Variants in BICD1 observed in about 807,000 individuals in gnomAD.
BICD1 encodes the protein BICD cargo adaptor 1.
BICD1 carries 35 observed loss-of-function variants against 92.5 expected under a neutral mutation model. The observed-to-expected ratio is 0.38, with a 90% confidence interval of 0.29 to 0.50. BICD1 has a LOEUF of 0.50. Among genes scored for constraint, BICD1 ranks in the 20% least tolerant of loss-of-function variants. BICD1 has a pLI of 0.93. For missense variants in BICD1, 950 were observed against 1,189.8 expected, an observed-to-expected ratio of 0.80 and a Z score of 2.97; for synonymous variants, 429 against 465.1, an observed-to-expected ratio of 0.92 and a Z score of 1.00.
chr12:32,245,758 C>T (rs1055662352), intron 2 of BICD1, among the ~76,000 whole-genome samples: 5 of 152,024 alleles, frequency 3.3e-5, no homozygotes, highest in East Asian at 1.9e-4. Flanking sequence ...AAGCTGGGCA[C>T]GGTGGCTCAT....
At chr12:32,213,137 T>G (rs1391674002) in intron 1 of BICD1, among the ~76,000 whole-genome samples, 1 of 152,190 alleles carries the variant, frequency 6.6e-6, no homozygotes, top group African/African-American at 2.4e-5. Flanking sequence ...ACTAGTGTCC[T>G]TTTTAAAGTC....
intron 1 of BICD1, among the ~76,000 whole-genome samples, chr12:32,208,692 A>G (rs1004297469): frequency 6.6e-6 from 1 of 152,128 alleles, no homozygotes; most frequent in Non-Finnish European, 1.5e-5. Context: ...CTACTCTCTA[A>G]GACTCTTTGC....
intron 1 of BICD1, among the ~76,000 whole-genome samples, chr12:32,136,818 A>G (rs1942751050): frequency 6.6e-6 from 1 of 152,190 alleles, no homozygotes; most frequent in African/African-American, 2.4e-5. Context: ...GTAGATCCTC[A>G]GTCTTCTAGT....
At chr12:32,212,103 G>A (rs1387305672) in intron 1 of BICD1, among the ~76,000 whole-genome samples, 3 of 152,206 alleles carry the variant, frequency 2.0e-5, no homozygotes, top group Non-Finnish European at 4.4e-5. Flanking sequence ...GATGGACATC[G>A]ATACTGGAAT....
chr12:32,341,419 G>A (rs1336303301), intron 8 of BICD1, among the ~76,000 whole-genome samples: 2 of 147,486 alleles, frequency 1.4e-5, no homozygotes, highest in Non-Finnish European at 3.0e-5. Flanking sequence ...AACCGAGATC[G>A]CACCACTACA....
At chr12:32,374,734 A>ATTTTTTTTTTTTTTTTTT (rs1179747608) in intron 9 of BICD1, among the ~76,000 whole-genome samples, 2 of 80,092 alleles carry the variant, frequency 2.5e-5, no homozygotes, top group Non-Finnish European at 4.4e-5. Context: ...CGCCCGGCTA[A>ATTTTTTTTTTTTTTTTTT]TTTTTTTTTT....
intron 1 of BICD1, among the ~76,000 whole-genome samples, chr12:32,189,757 G>C (rs1446924671): frequency 3.3e-5 from 5 of 150,346 alleles, no homozygotes; most frequent in African/African-American, 1.2e-4. Flanking sequence ...GGAGTGCAGT[G>C]GTGCAATCTC....
chr12:32,108,016 G>A (rs1182681208), intron 1 of BICD1: 1 of 347,994 alleles, frequency 2.9e-6, no homozygotes, highest in Admixed American at 4.0e-5. Flanking sequence ...TGGTGAGAGA[G>A]GGAACTCCTC....
Position 32,220,290 on chromosome 12 carries a change from A to C in BICD1, c.426+3831A>C, listed in dbSNP as rs574619824. ...CTTCTGCACAGCAAAAGAAACTACC[A>C]TCAGAGTGAACAGGCAATCTACAAA... On this transcript the variant is annotated intron_variant, in intron 2 of 9. Transcript: ENST00000652176. Among the ~76,000 whole-genome samples, 14 of 152,308 alleles carry C rather than the reference A, an allele frequency of 9.2e-5. No homozygotes were observed. The South Asian group carries it at 2.9e-3, about 32-fold the overall frequency.
At chr12:32,256,845 A>G (rs970628475) in intron 2 of BICD1, among the ~76,000 whole-genome samples, 4 of 152,230 alleles carry the variant, frequency 2.6e-5, no homozygotes, top group African/African-American at 9.6e-5. Flanking sequence ...ATTGAATAAT[A>G]TTAACAAATT....
chr12:32,149,872 C>A (rs1943236810), intron 1 of BICD1, among the ~76,000 whole-genome samples: 1 of 152,270 alleles, frequency 6.6e-6, no homozygotes, highest in East Asian at 1.9e-4. Context: ...GAAGGCAGAG[C>A]ACCTACTTGT....
At position 32,360,874 on chromosome 12, in the gene BICD1, A is replaced by G. The variant is rs550968501; in HGVS notation, c.2765-6796A>G. On this transcript the variant is annotated intron_variant, in intron 8 of 9. Coordinates refer to ENST00000652176, the MANE Select transcript of BICD1 (RefSeq NM_001714.4). Reference sequence around the variant, plus strand: ...AGAAATAAATGCTAAATGACGGAATAGGATCCAAAATATTCATCAGATAGG... The same window carrying G: ...AGAAATAAATGCTAAATGACGGAATGGGATCCAAAATATTCATCAGATAGG... 4.6e-5 allele frequency among the ~76,000 whole-genome samples: 7 copies of G among 152,282 alleles called. No individual in the cohort carries two copies. The South Asian group carries it at 1.5e-3, about 32-fold the overall frequency.
intron 4 of BICD1, among the ~76,000 whole-genome samples, chr12:32,308,203 G>A (rs984888763): frequency 2.0e-5 from 3 of 152,292 alleles, no homozygotes; most frequent in Middle Eastern, 3.4e-3. Context: ...TGTCGTTTTC[G>A]TTTGGTTTAG....
At chr12:32,274,541 TAA>T (rs1947228270) in intron 2 of BICD1, among the ~76,000 whole-genome samples, 2 of 152,166 alleles carry the variant, frequency 1.3e-5, no homozygotes, top group Admixed American at 1.3e-4. Context: ...ATCTTGAAAA[TAA>T]TAAAGCAATA....
intron 2 of BICD1, among the ~76,000 whole-genome samples, chr12:32,240,242 C>G (rs1466953021): frequency 1.3e-5 from 2 of 152,112 alleles, no homozygotes; most frequent in East Asian, 3.9e-4. Context: ...GGCTGCTATA[C>G]CAAAGTACTA....
At chr12:32,366,124 G>C (rs569736976) in intron 8 of BICD1, among the ~76,000 whole-genome samples, 1 of 152,140 alleles carries the variant, frequency 6.6e-6, no homozygotes, top group Admixed American at 6.5e-5. Context: ...ATCACAAACA[G>C]TTTTAGTGTA....
chr12:32,279,528 A>G (rs75485151), intron 2 of BICD1, among the ~76,000 whole-genome samples: 1 of 152,260 alleles, frequency 6.6e-6, no homozygotes, highest in African/African-American at 2.4e-5. Context: ...TGCACAAAGA[A>G]GAAAAAATAG....
chr12:32,305,957 CAA>C lies in BICD1; in HGVS notation c.841_842del (p.Asn281Ter). 2 of 1,614,172 alleles carry C rather than the reference CAA, an allele frequency of 1.2e-6. No individual in the cohort carries two copies. The highest frequency in any genetic ancestry group is 1.7e-6 in the Non-Finnish European group (2 of 1,180,036). On this transcript the variant is annotated frameshift_variant, in exon 4 of 10. Transcript: ENST00000652176. LOFTEE classifies it high-confidence loss of function. ...TTGCCGAGGATGGGAGTGAACCAAA[CAA>C]TGATGACAAAATGAACGGTCATATC... ...KFAEDGSEPN[N>X]DDKMNGHIHG... is the part of the protein sequence containing the mutation.
In BICD1 at chr12:32,293,263, T is replaced by C. The variant is rs78917762; in HGVS notation, c.427-731T>C. Among the ~76,000 whole-genome samples the C allele has an allele frequency of 7.1e-3, 1,079 of 152,306 alleles. 13 individuals are homozygous for C. The highest frequency in any genetic ancestry group is 0.025 in the African/African-American group (1,032 of 41,568). On this transcript the variant is annotated intron_variant, in intron 2 of 9. Coordinates refer to ENST00000652176, the MANE Select transcript of BICD1 (RefSeq NM_001714.4). ...ACTAATCTATGACTTGCTTTTCACATTTAATAATATATTGTGACTACATTT... is the reference window on the plus strand; with the variant it reads ...ACTAATCTATGACTTGCTTTTCACACTTAATAATATATTGTGACTACATTT...
Sources: gnomAD v4.1 joint callset for allele counts (sites outside exome capture counted in the v4.1 genomes callset) on GRCh38, gnomAD v4.1.1 for gene constraint, MANE v1.5 for transcripts, NCBI Gene and HGNC (gene_info 2026-07-23, HGNC 2026-07-21) for gene names.